Variants in ENTHD1 observed in about 807,000 individuals in gnomAD.
ENTHD1 encodes the protein ENTH domain containing 1, also known as ENTH domain-containing protein 1.
A neutral mutation model predicts 39.1 loss-of-function variants in ENTHD1; 23 were observed. The observed-to-expected ratio is 0.59, with a 90% confidence interval of 0.42 to 0.83. ENTHD1 has a LOEUF of 0.83. ENTHD1 is among the 40% of genes least tolerant of loss of function. The pLI, the probability that ENTHD1 is intolerant of heterozygous loss-of-function variation, is 0.00. For synonymous variants in ENTHD1, 230 were observed against 258.2 expected (o/e 0.89, Z 1.05); for missense variants, 624 against 705.4 (o/e 0.88, Z 1.31).
intron 5 of ENTHD1, among the ~76,000 whole-genome samples, chr22:39,767,151 T>C (rs1403969279): frequency 6.6e-6 from 1 of 152,174 alleles, no homozygotes; most frequent in Non-Finnish European, 1.5e-5. Context: ...TGAATGCTCA[T>C]TGGGTGCAAG....
At chr22:39,754,680 G>A (rs2065171760) in intron 6 of ENTHD1, among the ~76,000 whole-genome samples, 1 of 151,984 alleles carries the variant, frequency 6.6e-6, no homozygotes, top group African/African-American at 2.4e-5. Context: ...CTGGATTCTT[G>A]ACTCTAGTTC....
chr22:39,816,354 C>T (rs8137779), intron 5 of ENTHD1, among the ~76,000 whole-genome samples: 10,978 of 152,158 alleles, frequency 0.072, 450 homozygotes, highest in South Asian at 0.12. Context: ...GGGAAAATAA[C>T]GCCATTTCAT....
rs547226195 is a variant in ENTHD1, at chr22:39,758,570, G to A, written c.1219+6653C>T. 8.5e-5 allele frequency among the ~76,000 whole-genome samples: 13 copies of A among 152,138 alleles called. No homozygotes were observed. In the East Asian group the frequency reaches 2.1e-3, roughly 25 times the overall value. ...CTCCTGAACAGCTGGGATTACAGGC[G>A]CATGCCACCATGCCTGGCTAATGTT... On this transcript the variant is annotated intron_variant, in intron 6 of 6. Coordinates refer to ENST00000325157, the MANE Select transcript of ENTHD1 (RefSeq NM_152512.4).
chr22:39,842,143 A>G (rs111256878), intron 3 of ENTHD1, among the ~76,000 whole-genome samples: 22 of 151,438 alleles, frequency 1.5e-4, no homozygotes, highest in African/African-American at 5.1e-4. Context: ...AGGGTAACCC[A>G]ACCTTTCTCT....
intron 6 of ENTHD1, among the ~76,000 whole-genome samples, chr22:39,760,189 G>A (rs1292014658): frequency 6.6e-6 from 1 of 151,900 alleles, no homozygotes; most frequent in African/African-American, 2.4e-5. Flanking sequence ...ACATACTCAT[G>A]GATTTTTATG....
intron 5 of ENTHD1, among the ~76,000 whole-genome samples, chr22:39,771,443 C>G (rs1433156749): frequency 3.9e-5 from 6 of 151,992 alleles, no homozygotes; most frequent in Admixed American, 1.3e-4. Flanking sequence ...TCAGAGCTAC[C>G]ACAGCACTGG....
At chr22:39,813,063 G>T (rs2065705825) in intron 5 of ENTHD1, among the ~76,000 whole-genome samples, 1 of 152,188 alleles carries the variant, frequency 6.6e-6, no homozygotes, top group South Asian at 2.1e-4. Context: ...GATTATAGGT[G>T]TGAGACACTG....
At chr22:39,843,188 T>C (rs958207772) in intron 3 of ENTHD1, among the ~76,000 whole-genome samples, 20 of 152,216 alleles carry the variant, frequency 1.3e-4, no homozygotes, top group Non-Finnish European at 2.9e-4. Context: ...CTATTCACAA[T>C]AGTAAAGACT....
intron 2 of ENTHD1, among the ~76,000 whole-genome samples, chr22:39,879,238 G>A (rs915794097): frequency 6.6e-6 from 1 of 151,616 alleles, no homozygotes; most frequent in Non-Finnish European, 1.5e-5. Context: ...TGAGGCGGGC[G>A]GATCACGAGG....
chr22:39,853,022 C>G (rs1390601294), intron 3 of ENTHD1, among the ~76,000 whole-genome samples: 1 of 152,214 alleles, frequency 6.6e-6, no homozygotes, highest in East Asian at 1.9e-4. Flanking sequence ...GACTCCACAT[C>G]AACTCTGTTA....
intron 5 of ENTHD1, among the ~76,000 whole-genome samples, chr22:39,784,525 G>T (rs1277999929): frequency 2.8e-5 from 4 of 141,482 alleles, no homozygotes; most frequent in African/African-American, 8.1e-5. Context: ...AAGAAAATGC[G>T]CTCTCTCTCT....
chr22:39,755,293 C>T (rs997679338), intron 6 of ENTHD1, among the ~76,000 whole-genome samples: 1 of 152,038 alleles, frequency 6.6e-6, no homozygotes, highest in Non-Finnish European at 1.5e-5. Context: ...AAGTGATATT[C>T]GAGCTGACCT....
intron 4 of ENTHD1, 48 bp from the exon 5 acceptor site, chr22:39,821,161 C>A (rs753827617): frequency 1.2e-6 from 2 of 1,602,222 alleles, no homozygotes; most frequent in Non-Finnish European, 1.7e-6. Context: ...AAATTAATAT[C>A]CCTGGATGGA....
intron 4 of ENTHD1, among the ~76,000 whole-genome samples, chr22:39,834,866 C>T (rs971047084): frequency 6.6e-6 from 1 of 152,154 alleles, no homozygotes; most frequent in Non-Finnish European, 1.5e-5. Context: ...GAAAAAATTC[C>T]ATCTCAAAAG....
intron 5 of ENTHD1, among the ~76,000 whole-genome samples, chr22:39,803,443 CAT>C (rs1436080618): frequency 3.3e-5 from 5 of 152,168 alleles, no homozygotes; most frequent in African/African-American, 2.4e-5. Context: ...CTTCATAGCA[CAT>C]GTTACAATCT....
At chr22:39,835,298 A>G (rs1196047542) in intron 4 of ENTHD1, among the ~76,000 whole-genome samples, 1 of 152,130 alleles carries the variant, frequency 6.6e-6, no homozygotes. Flanking sequence ...TCCTGTGAGT[A>G]TACAATTATT....
chr22:39,744,064 G>C lies in ENTHD1; in HGVS notation c.1439C>G (p.Ser480Cys), dbSNP rs568312009. 1.3e-5 allele frequency: 21 copies of C among 1,614,032 alleles called. No homozygotes were observed. The highest frequency in any genetic ancestry group is 1.7e-5 in the Non-Finnish European group (20 of 1,180,002). The change falls in exon 7 of 7, where the codon TCT (serine) becomes TGT (cysteine). Residue 480 changes from serine (S) to cysteine (C), a missense_variant. Transcript: ENST00000325157. The part of the protein sequence containing the change: ...HSFASRGPVS[S>C]DVEENDSLNL... ...GAGGCTATCATTTTCCTCTACATCA[G>C]AAGACACTGGGCCCCTAGAAGCAAA...
At chr22:39,787,451 A>G (rs2065468768) in intron 5 of ENTHD1, among the ~76,000 whole-genome samples, 1 of 152,230 alleles carries the variant, frequency 6.6e-6, no homozygotes, top group Non-Finnish European at 1.5e-5. Flanking sequence ...AGAGACCAAA[A>G]GCTAGGCCTC....
chr22:39,792,574 CA>C (rs200650090), intron 5 of ENTHD1, among the ~76,000 whole-genome samples: 4 of 149,926 alleles, frequency 2.7e-5, no homozygotes, highest in Non-Finnish European at 4.5e-5. Flanking sequence ...AATGAGTTGG[CA>C]AAAAAAAAGC....
Sources: allele counts gnomAD v4.1 joint callset (sites outside exome capture counted in the v4.1 genomes callset), GRCh38; gene constraint gnomAD v4.1.1; transcripts MANE v1.5; gene names NCBI Gene and HGNC (gene_info 2026-07-23, HGNC 2026-07-21).